Variants in LHFPL2 observed in about 807,000 individuals in gnomAD.
The protein encoded by LHFPL2 is LHFPL tetraspan subfamily member 2.
LHFPL2 carries 7 observed loss-of-function variants against 17.5 expected under a neutral mutation model. The ratio of observed to expected loss-of-function variants is 0.40; its 90% CI spans 0.23 to 0.75. The LOEUF (loss-of-function observed/expected upper bound fraction) is 0.75. LHFPL2 is among the 30% of genes least tolerant of loss of function. The probability of loss-of-function intolerance (pLI) is 0.37; values close to 1 mark genes in which losing one functional copy is unlikely to be tolerated. For synonymous variants in LHFPL2, 134 were observed against 116.2 expected (o/e 1.15, Z -0.99); for missense variants, 241 against 294.8 (o/e 0.82, Z 1.34).
intron 2 of LHFPL2, among the ~76,000 whole-genome samples, chr5:78,629,792 C>G (rs1745177994): frequency 6.6e-6 from 1 of 152,214 alleles, no homozygotes; most frequent in Non-Finnish European, 1.5e-5. Flanking sequence ...ACCCTGGACA[C>G]AAGGGGCCCA....
intron 2 of LHFPL2, among the ~76,000 whole-genome samples, chr5:78,609,617 G>A (rs890512840): frequency 2.6e-5 from 4 of 152,050 alleles, no homozygotes; most frequent in African/African-American, 7.2e-5. Flanking sequence ...AGTGTTTTCT[G>A]ATATGATCTC....
intron 2 of LHFPL2, among the ~76,000 whole-genome samples, chr5:78,585,776 T>A (rs1743366249): frequency 6.6e-6 from 1 of 152,170 alleles, no homozygotes; most frequent in African/African-American, 2.4e-5. Flanking sequence ...GCATTTGTCT[T>A]CATGAAAAAC....
intron 4 of LHFPL2, among the ~76,000 whole-genome samples, chr5:78,508,058 C>G (rs989914369): frequency 4.0e-5 from 6 of 151,588 alleles, no homozygotes; most frequent in African/African-American, 1.5e-4. Flanking sequence ...ATCTTGAAAC[C>G]CACCTTTAAT....
chr5:78,586,421 T>C (rs1743402247), intron 2 of LHFPL2, among the ~76,000 whole-genome samples: 1 of 152,212 alleles, frequency 6.6e-6, no homozygotes, highest in South Asian at 2.1e-4. Flanking sequence ...CTGGGTAGAA[T>C]ATAGGAACAG....
intron 2 of LHFPL2, among the ~76,000 whole-genome samples, chr5:78,580,442 A>T (rs201179567): frequency 2.3e-4 from 35 of 151,476 alleles, no homozygotes; most frequent in East Asian, 1.9e-4. Flanking sequence ...CTGAATGGTA[A>T]TGCCTAGGTT....
At chr5:78,524,702 A>G (rs1296280598) in intron 3 of LHFPL2, among the ~76,000 whole-genome samples, 2 of 148,334 alleles carry the variant, frequency 1.3e-5, no homozygotes, top group African/African-American at 2.5e-5. Context: ...AGATTGCACC[A>G]CTGCACTCCA....
chr5:78,522,472 A>G (rs1755487232), intron 3 of LHFPL2, among the ~76,000 whole-genome samples: 1 of 152,188 alleles, frequency 6.6e-6, no homozygotes, highest in African/African-American at 2.4e-5. Flanking sequence ...GGAGTCTCTC[A>G]CATTGCTGAC....
At chr5:78,529,890 A>G (rs1047240350) in intron 3 of LHFPL2, among the ~76,000 whole-genome samples, 3 of 152,340 alleles carry the variant, frequency 2.0e-5, no homozygotes, top group East Asian at 1.9e-4. Flanking sequence ...GAATGTACCA[A>G]CTCTTCCAAC....
intron 2 of LHFPL2, among the ~76,000 whole-genome samples, chr5:78,623,960 A>C (rs764826766): frequency 2.6e-5 from 4 of 152,202 alleles, no homozygotes; most frequent in Non-Finnish European, 5.9e-5. Flanking sequence ...ACTACCACCA[A>C]ATCACTTCCT....
chr5:78,488,353 A>AC lies in LHFPL2; in HGVS notation c.*543dup, dbSNP rs1264084483. ...GCATGACTCCACGCCATCCCTGCTG[A>AC]CCCCTTTGGTCAGCTAAGCAAAAGA... On this transcript the variant is annotated 3_prime_UTR_variant, in exon 5 of 5. Coordinates refer to ENST00000380345, the MANE Select transcript of LHFPL2 (RefSeq NM_005779.3). 3 of 163,778 alleles carry AC rather than the reference A, an allele frequency of 1.8e-5. No homozygotes were observed. Among genetic ancestry groups the AC allele is most frequent in the Non-Finnish European group, 4.1e-5 (3 of 74,004 alleles). 10.1% of individuals were successfully genotyped at this position (163,778 alleles called of 1,614,324 possible).
chr5:78,637,918 G>A (rs903467119), intron 1 of LHFPL2, among the ~76,000 whole-genome samples: 5 of 152,054 alleles, frequency 3.3e-5, no homozygotes, highest in African/African-American at 1.2e-4. Flanking sequence ...CTCCCCACTC[G>A]GGCACCAGCC....
intron 2 of LHFPL2, among the ~76,000 whole-genome samples, chr5:78,579,917 T>C (rs76663387): frequency 0.4 from 60,976 of 151,718 alleles, 12,431 homozygotes; most frequent in Middle Eastern, 0.47. Context: ...CCTTGAGGAA[T>C]CGCCACACTG....
intron 2 of LHFPL2, among the ~76,000 whole-genome samples, chr5:78,576,545 T>A (rs1757142374): frequency 6.6e-6 from 1 of 152,180 alleles, no homozygotes; most frequent in Non-Finnish European, 1.5e-5. Flanking sequence ...GGAGGGAAAC[T>A]GGTTTGCCAC....
chr5:78,616,360 C>A (rs1407296158), intron 2 of LHFPL2, among the ~76,000 whole-genome samples: 1 of 152,126 alleles, frequency 6.6e-6, no homozygotes, highest in Non-Finnish European at 1.5e-5. Flanking sequence ...ATCTGCTGAC[C>A]TTGTGATCCA....
At chr5:78,584,970 G>A (rs1385256273) in intron 2 of LHFPL2, among the ~76,000 whole-genome samples, 11 of 147,884 alleles carry the variant, frequency 7.4e-5, no homozygotes, top group East Asian at 3.9e-4. Flanking sequence ...AGCCAGGTGC[G>A]GGATATAATC....
intron 2 of LHFPL2, among the ~76,000 whole-genome samples, chr5:78,619,658 C>G (rs868843770): frequency 1.8e-5 from 2 of 110,838 alleles, no homozygotes; most frequent in East Asian, 6.4e-4. Flanking sequence ...CCCCTCCCCC[C>G]ACCCCACAAC....
chr5:78,642,659 C>G (rs1745714660), intron 1 of LHFPL2, among the ~76,000 whole-genome samples: 1 of 152,208 alleles, frequency 6.6e-6, no homozygotes, highest in East Asian at 1.9e-4. Context: ...AGAACTCCCT[C>G]TATCATCTCT....
chr5:78,557,644 A>G (rs569621629), intron 3 of LHFPL2, among the ~76,000 whole-genome samples: 2 of 152,314 alleles, frequency 1.3e-5, no homozygotes, highest in South Asian at 4.1e-4. Flanking sequence ...GGAAGTGTCC[A>G]CCTCCTAACA....
At chr5:78,633,472 G>A (rs1745323939) in intron 1 of LHFPL2, among the ~76,000 whole-genome samples, 1 of 152,202 alleles carries the variant, frequency 6.6e-6, no homozygotes, top group Non-Finnish European at 1.5e-5. Flanking sequence ...CAGACCTAGG[G>A]ACTCAGAATC....
Sources: gnomAD v4.1 joint callset for allele counts (sites outside exome capture counted in the v4.1 genomes callset) on GRCh38, gnomAD v4.1.1 for gene constraint, MANE v1.5 for transcripts, NCBI Gene and HGNC (gene_info 2026-07-23, HGNC 2026-07-21) for gene names.